Variants in ABCA9 observed in about 807,000 individuals in gnomAD.
The protein encoded by ABCA9 is ATP binding cassette subfamily A member 9, also known as ATP-binding cassette sub-family A member 9.
A neutral mutation model predicts 205.3 loss-of-function variants in ABCA9; 183 were observed. The observed-to-expected ratio is 0.89, with a 90% CI of 0.79 to 1.01. The LOEUF is 1.01. Among genes scored for constraint, ABCA9 ranks in the 50% least tolerant of loss-of-function variants. The pLI, the probability that ABCA9 is intolerant of heterozygous loss-of-function variation, is 0.00. For missense variants in ABCA9, 1,805 were observed against 1,912.4 expected (o/e 0.94, Z 1.05); for synonymous variants, 651 against 683.3 (o/e 0.95, Z 0.74).
At chr17:69,069,866 T>A in the ABCA9 span, among the ~76,000 whole-genome samples, 1 of 152,164 alleles carries the variant, frequency 6.6e-6, no homozygotes. Context: ...CTTTATACTA[T>A]ATCTGATGTT....
At chr17:69,016,139 C>T (rs2070601121) in intron 22 of ABCA9, 114 bp downstream of exon 22, 2 of 579,966 alleles carry the variant, frequency 3.4e-6, no homozygotes, top group African/African-American at 2.0e-5. Context: ...CACACACACA[C>T]ACACAAGTTT....
chr17:69,072,636 A>G, the ABCA9 span, among the ~76,000 whole-genome samples: 1 of 32,046 alleles, frequency 3.1e-5, no homozygotes, highest in African/African-American at 6.6e-5. Context: ...CAGCCACTGC[A>G]AAAAAAAAAA....
chr17:68,979,663 G>T (rs1286200536), intron 37 of ABCA9, among the ~76,000 whole-genome samples: 3 of 152,122 alleles, frequency 2.0e-5, no homozygotes, highest in African/African-American at 7.2e-5. Context: ...TGAGAAACCT[G>T]ACAAAAACAA....
In ABCA9 at chr17:69,021,748, C is replaced by G; in HGVS notation, c.2395G>C (p.Glu799Gln). Reference sequence around the variant, plus strand: ...CTTTCTTATTTTTTCTTACCTGATTCATCAATAGTTGATTTTCCTTCTAAT... The same window carrying G: ...CTTTCTTATTTTTTCTTACCTGATTGATCAATAGTTGATTTTCCTTCTAAT... ...LKLEGKSTIDESDIGIWGQLQ... is the reference protein window; with the variant it reads ...LKLEGKSTIDQSDIGIWGQLQ... Residue 799 changes from glutamate to glutamine, a missense_variant, in exon 18 of 39, where the codon GAA becomes CAA. Transcript: ENST00000340001. 6.4e-7 allele frequency: 1 copy of G among 1,565,166 alleles called. No individual in the cohort carries two copies.
chr17:69,029,562 T>C (rs2071095380), intron 10 of ABCA9, among the ~76,000 whole-genome samples: 1 of 152,122 alleles, frequency 6.6e-6, no homozygotes, highest in African/African-American at 2.4e-5. Context: ...GAGGAGATAC[T>C]ATGGTGGAAA....
At position 68,986,521 on chromosome 17, in the gene ABCA9, A is replaced by G. The variant is rs1192001868; in HGVS notation, c.4048-197T>C. ...AAAGGCAGACATTCCATGGTTATCC[A>G]TTGTAGTGTAGACTTTACTACCAAT... is the stretch of plus-strand genomic sequence containing the variant. On this transcript the variant is annotated intron_variant, in intron 31 of 38. Coordinates refer to ENST00000340001, the MANE Select transcript of ABCA9 (RefSeq NM_080283.4). 32 of 477,500 alleles carry G rather than the reference A, an allele frequency of 6.7e-5. No individual in the cohort carries two copies. The Admixed American group carries it at 1.3e-3, about 19-fold the overall frequency. 29.6% of individuals were successfully genotyped at this position (477,500 alleles called of 1,614,324 possible).
chr17:69,063,131 G>A (rs2072297686), upstream of ABCA9, among the ~76,000 whole-genome samples: 1 of 152,154 alleles, frequency 6.6e-6, no homozygotes, highest in Admixed American at 6.5e-5. Context: ...AATCTGTAGA[G>A]TCTATGAGCT....
intron 3 of ABCA9, among the ~76,000 whole-genome samples, chr17:69,046,905 AT>A (rs2071732899): frequency 9.5e-6 from 1 of 104,854 alleles, no homozygotes; most frequent in Non-Finnish European, 2.2e-5. Flanking sequence ...ATATATATAT[AT>A]ATATATAAAA....
At position 69,016,399 on chromosome 17, in the gene ABCA9, C is replaced by T; in HGVS notation, c.2902-9G>A. 6.4e-7 allele frequency: 1 copy of T among 1,564,404 alleles called. No homozygotes were observed. The highest frequency in any genetic ancestry group is 8.6e-7 in the Non-Finnish European group (1 of 1,161,610). The stretch of plus-strand genomic sequence containing the variant: ...ATTGAAAATCTGTGATCCTGAAATA[C>T]AACAAGTACCAATTCGAAGTCTTCA... On this transcript the variant is annotated splice_polypyrimidine_tract_variant and intron_variant, in intron 21 of 38. Coordinates refer to ENST00000340001, the MANE Select transcript of ABCA9 (RefSeq NM_080283.4).
chr17:69,071,919 A>C, the ABCA9 span, among the ~76,000 whole-genome samples: 2 of 152,200 alleles, frequency 1.3e-5, no homozygotes, highest in Non-Finnish European at 2.9e-5. Context: ...ATGAAGCTGA[A>C]AAACACAGCA....
upstream of ABCA9, among the ~76,000 whole-genome samples, chr17:69,064,797 C>A (rs955452157): frequency 1.9e-4 from 29 of 152,138 alleles, 2 homozygotes; most frequent in Non-Finnish European, 4.4e-5. Context: ...ATAGTACCAC[C>A]TTGATAACTT....
chr17:69,002,695 C>T (rs1045267259), intron 25 of ABCA9, among the ~76,000 whole-genome samples: 4 of 148,672 alleles, frequency 2.7e-5, no homozygotes, highest in Non-Finnish European at 6.0e-5. Context: ...TCTCGTTGAT[C>T]TGTCTAATGT....
intron 37 of ABCA9, among the ~76,000 whole-genome samples, chr17:68,976,420 CAG>C (rs1244132493): frequency 1.1e-4 from 17 of 152,132 alleles, no homozygotes; most frequent in African/African-American, 4.1e-4. Context: ...AAAGCAATAT[CAG>C]AGGTTCCAGA....
Position 68,975,793 on chromosome 17 carries a change from T to C in ABCA9, c.*122A>G. 1 of 760,606 alleles carries C rather than the reference T, an allele frequency of 1.3e-6. No individual in the cohort carries two copies. The highest frequency in any genetic ancestry group is 2.2e-6 in the Non-Finnish European group (1 of 461,138). 47.1% of individuals were successfully genotyped at this position (760,606 alleles called of 1,614,324 possible). A position where few individuals can be genotyped will look rare whatever the true frequency, so the allele number is the denominator to read the frequency against. ...TCACTGTAAGAAATACTACTGAGGA[T>C]AATTATTGCATGAGTTTCAAATGCA... On this transcript the variant is annotated 3_prime_UTR_variant, in exon 39 of 39. Coordinates refer to ENST00000340001, the MANE Select transcript of ABCA9 (RefSeq NM_080283.4).
the ABCA9 span, among the ~76,000 whole-genome samples, chr17:69,077,097 G>A: frequency 6.6e-6 from 1 of 152,072 alleles, no homozygotes; most frequent in Admixed American, 6.6e-5. Context: ...CAGGTGTTAT[G>A]TTAGAGTGTT....
chr17:69,044,606 G>C lies in ABCA9; in HGVS notation c.470-6C>G. 1.2e-6 allele frequency: 2 copies of C among 1,609,950 alleles called. No individual in the cohort carries two copies. The highest frequency in any genetic ancestry group is 4.5e-5 in the East Asian group (2 of 44,706). ...ATTCACTGCTTGACAGTGAGCTTTA[G>C]AAGAAGAACACATCCATTATTACGG... On this transcript the variant is annotated splice_polypyrimidine_tract_variant and splice_region_variant and intron_variant, in intron 4 of 38. Coordinates refer to ENST00000340001, the MANE Select transcript of ABCA9 (RefSeq NM_080283.4).
chr17:69,027,699 CT>C lies in ABCA9; in HGVS notation c.1731del (p.Glu578LysfsTer9). The C allele has an allele frequency of 1.2e-6, 2 of 1,613,448 alleles. No individual in the cohort carries two copies. Among genetic ancestry groups the C allele is most frequent in the Non-Finnish European group, 1.7e-6 (2 of 1,179,882 alleles). ...ATTTTAGCAAACAGCCTGAGGTTTTCTTTCACAGTGAGAAATCCAAATTGCA... is the reference window on the plus strand; with the variant it reads ...ATTTTAGCAAACAGCCTGAGGTTTTCTTCACAGTGAGAAATCCAAATTGCA... ...SNVQFGFLTV[K>X]ENLRLFAKIK... On this transcript the variant is annotated frameshift_variant, in exon 13 of 39. Transcript: ENST00000340001. LOFTEE classifies it high-confidence loss of function.
At chr17:69,006,729 A>C (rs2070147670) in intron 25 of ABCA9, among the ~76,000 whole-genome samples, 1 of 152,188 alleles carries the variant, frequency 6.6e-6, no homozygotes, top group African/African-American at 2.4e-5. Context: ...TGCTCAAAAA[A>C]ACTACCAGAC....
intron 37 of ABCA9, among the ~76,000 whole-genome samples, chr17:68,981,440 C>T (rs1156655050): frequency 6.6e-6 from 1 of 152,110 alleles, no homozygotes; most frequent in Non-Finnish European, 1.5e-5. Flanking sequence ...TAAAATACTT[C>T]CTGTTGATCT....
Sources: allele counts gnomAD v4.1 joint callset (sites outside exome capture counted in the v4.1 genomes callset), GRCh38; gene constraint gnomAD v4.1.1; transcripts MANE v1.5; gene names NCBI Gene and HGNC (gene_info 2026-07-23, HGNC 2026-07-21).